The following TEX11 variants were observed in gnomAD, a reference collection of about 807,000 sequenced individuals.
The protein encoded by TEX11 is testis expressed 11.
Under a neutral mutation model 84.4 loss-of-function variants are expected in TEX11, and 7 were observed. The ratio of observed to expected loss-of-function variants is 0.08; its 90% CI spans 0.05 to 0.16. The LOEUF (loss-of-function observed/expected upper bound fraction) is 0.16. TEX11 is among the 10% of genes least tolerant of loss of function. TEX11 has a pLI of 1.00. For missense variants in TEX11, 551 were observed against 660.5 expected, an observed-to-expected ratio of 0.83 and a Z score of 1.82; for synonymous variants, 264 against 222.8, an observed-to-expected ratio of 1.18 and a Z score of -1.64.
At chrX:70,652,987 A>G (rs2089826718) in intron 16 of TEX11, among the ~76,000 whole-genome samples, 2 of 111,947 alleles carry the variant, frequency 1.8e-5, no homozygotes, top group South Asian at 3.7e-4. Flanking sequence ...GAACAACTAG[A>G]CATCCACATG....
At chrX:70,904,300 T>C (rs1226901045) in intron 2 of TEX11, among the ~76,000 whole-genome samples, 2 of 111,500 alleles carry the variant, frequency 1.8e-5, no homozygotes, top group Non-Finnish European at 3.8e-5. Flanking sequence ...AAACAGCCAG[T>C]AAATCTATGA....
chrX:70,576,607 T>C (rs2088676861), intron 25 of TEX11, among the ~76,000 whole-genome samples: 1 of 112,359 alleles, frequency 8.9e-6, no homozygotes, highest in South Asian at 3.6e-4. Flanking sequence ...AGATGAAATA[T>C]GCATTCATAA....
the TEX11 span, among the ~76,000 whole-genome samples, chrX:70,522,343 G>A: frequency 1.8e-5 from 2 of 112,169 alleles, no homozygotes; most frequent in African/African-American, 6.5e-5. Context: ...AATTAAATGA[G>A]ATAGCACATG....
chrX:70,768,166 T>A (rs2090952255), intron 9 of TEX11, among the ~76,000 whole-genome samples: 1 of 111,794 alleles, frequency 8.9e-6, no homozygotes, highest in Non-Finnish European at 1.9e-5. Context: ...AAAGGATAAA[T>A]GCTCGAAGGC....
At chrX:70,733,196 A>C (rs1393768196) in intron 11 of TEX11, among the ~76,000 whole-genome samples, 1 of 111,892 alleles carries the variant, frequency 8.9e-6, no homozygotes, top group African/African-American at 3.3e-5. Flanking sequence ...AACCATAAAA[A>C]CCCTAGAAGA....
chrX:70,713,755 T>C (rs765221041), intron 13 of TEX11, among the ~76,000 whole-genome samples: 93 of 111,709 alleles, frequency 8.3e-4, no homozygotes, highest in African/African-American at 2.9e-3. Context: ...CCTGGATTCA[T>C]TGAGTTTTTG....
chrX:70,898,795 C>A (rs970551309), intron 2 of TEX11, among the ~76,000 whole-genome samples: 35 of 110,284 alleles, frequency 3.2e-4, no homozygotes, highest in Middle Eastern at 4.6e-3. Context: ...TTAGTAGAGA[C>A]GGGGTTTCAC....
chrX:70,838,558 C>T (rs1182391101), intron 7 of TEX11, among the ~76,000 whole-genome samples: 2 of 111,737 alleles, frequency 1.8e-5, no homozygotes, highest in Admixed American at 9.5e-5. Flanking sequence ...CCAGTGTGAG[C>T]GACGCAGAAG....
chrX:70,821,164 A>AAAAAC (rs960858372), intron 8 of TEX11, among the ~76,000 whole-genome samples: 4 of 112,367 alleles, frequency 3.6e-5, no homozygotes, highest in South Asian at 3.7e-4. Flanking sequence ...TAGCAAAACA[A>AAAAAC]AAAACAAAAC....
the TEX11 span, among the ~76,000 whole-genome samples, chrX:70,517,757 A>G: frequency 2.7e-5 from 3 of 110,424 alleles, no homozygotes; most frequent in Admixed American, 2.9e-4. Flanking sequence ...GGTCCTGTAC[A>G]TTTTTGGTTG....
chrX:70,686,091 A>G lies in TEX11; in HGVS notation c.1005-3266T>C, dbSNP rs191121730. Among the ~76,000 whole-genome samples, 4 of 111,435 alleles carry G rather than the reference A, an allele frequency of 3.6e-5. No homozygotes were observed. In the Admixed American group the frequency reaches 3.8e-4, roughly 11 times the overall value. On this transcript the variant is annotated intron_variant, in intron 13 of 29. Coordinates refer to ENST00000374333, the MANE Select transcript of TEX11 (RefSeq NM_031276.3). ...CAGTTTAATTATACCCCATTTGTCA[A>G]TTTCAGCTTTTGTTCAACCATTGTG...
At chrX:70,545,351 T>A (rs1415568895) in intron 28 of TEX11, among the ~76,000 whole-genome samples, 3 of 112,437 alleles carry the variant, frequency 2.7e-5, no homozygotes, top group African/African-American at 9.7e-5. Flanking sequence ...TTTAATTTTT[T>A]AAAAAACTTT....
At chrX:70,894,072 C>T (rs1295160360) in intron 2 of TEX11, among the ~76,000 whole-genome samples, 1 of 111,117 alleles carries the variant, frequency 9.0e-6, no homozygotes, top group Non-Finnish European at 1.9e-5. Flanking sequence ...GAAATTGAGG[C>T]AGTAATTAAT....
At chrX:70,828,684 A>G (rs2091359786) in intron 8 of TEX11, among the ~76,000 whole-genome samples, 1 of 110,832 alleles carries the variant, frequency 9.0e-6, no homozygotes, top group East Asian at 2.9e-4. Flanking sequence ...ATTCGAAGAG[A>G]TAATATCAGA....
intron 25 of TEX11, among the ~76,000 whole-genome samples, chrX:70,558,574 C>T (rs939246945): frequency 1.8e-5 from 2 of 111,759 alleles, no homozygotes; most frequent in African/African-American, 3.2e-5. Flanking sequence ...ATAAACTGGA[C>T]CTCCTCAAAG....
intron 29 of TEX11, 85 bp from the exon 30 acceptor site, chrX:70,529,272 G>T (rs2087853990): frequency 1.5e-6 from 1 of 677,283 alleles, no homozygotes; most frequent in Non-Finnish European, 2.3e-6. Context: ...TGGCATGAAA[G>T]TCTAACCGTT....
downstream of TEX11, among the ~76,000 whole-genome samples, chrX:70,527,317 A>C (rs1401244910): frequency 1.2e-4 from 13 of 112,256 alleles, no homozygotes; most frequent in Admixed American, 1.2e-3. Flanking sequence ...ACATCTTCTT[A>C]ACTTCAGTAA....
At chrX:70,732,613 CAAG>C (rs1385647246) in intron 11 of TEX11, among the ~76,000 whole-genome samples, 1 of 111,402 alleles carries the variant, frequency 9.0e-6, no homozygotes, top group Non-Finnish European at 1.9e-5. Context: ...AGGACCTCTT[CAAG>C]AAGAAGTACA....
chrX:70,760,037 C>T (rs2090898193), intron 9 of TEX11, among the ~76,000 whole-genome samples: 1 of 111,261 alleles, frequency 9.0e-6, no homozygotes, highest in Admixed American at 9.6e-5. Flanking sequence ...GAATAAAATA[C>T]CTAAGAATCC....
Sources: allele counts gnomAD v4.1 joint callset (sites outside exome capture counted in the v4.1 genomes callset), GRCh38; gene constraint gnomAD v4.1.1; transcripts MANE v1.5; gene names NCBI Gene and HGNC (gene_info 2026-07-23, HGNC 2026-07-21).